The following FCRL5 variants were observed in gnomAD, a reference collection of about 807,000 sequenced individuals.
The protein encoded by FCRL5 is Fc receptor like 5.
FCRL5 carries 79 observed loss-of-function variants against 92.1 expected under a neutral mutation model. The observed-to-expected ratio is 0.86, with a 90% CI of 0.72 to 1.03. The LOEUF (loss-of-function observed/expected upper bound fraction) is 1.03, where lower values mean the gene tolerates loss of function less well. FCRL5 is among the 50% of genes least tolerant of loss of function. The pLI, the probability that FCRL5 is intolerant of heterozygous loss-of-function variation, is 0.00. For missense variants in FCRL5, 1,160 were observed against 1,181.1 expected, an observed-to-expected ratio of 0.98 and a Z score of 0.26; for synonymous variants, 466 against 469.3, an observed-to-expected ratio of 0.99 and a Z score of 0.09.
chr1:157,518,676 A>G, intron 14 of FCRL5, 24 bp downstream of exon 14: 2 of 1,601,060 alleles, frequency 1.2e-6, no homozygotes, highest in Non-Finnish European at 1.7e-6. Flanking sequence ...AGCTTCTGCC[A>G]AATGCAGGAT....
chr1:157,515,712 C>G lies in FCRL5; in HGVS notation c.2897G>C (p.Gly966Ala). The change falls in exon 17 of 17, where the codon GGA (glycine) becomes GCA (alanine). Residue 966 changes from glycine to alanine, a missense_variant. By Grantham distance (60) the Gly-to-Ala change is moderately conservative. Transcript: ENST00000361835. Reference sequence around the variant, plus strand: ...AGCTGAGGAAGCCAAGAACAGGGATCCGGAAACCGGGGTTGACGCCACCTT... The same window carrying G: ...AGCTGAGGAAGCCAAGAACAGGGATGCGGAAACCGGGGTTGACGCCACCTT... ...EVKVASTPVS[G>A]SLFLASSAPH... 1.2e-6 allele frequency: 2 copies of G among 1,614,144 alleles called. No individual in the cohort carries two copies. Among genetic ancestry groups the G allele is most frequent in the Non-Finnish European group, 1.7e-6 (2 of 1,180,022 alleles).
chr1:157,547,246 C>T (rs774997402), intron 2 of FCRL5, 49 bp from the exon 3 acceptor site: 3 of 1,606,176 alleles, frequency 1.9e-6, no homozygotes, highest in Non-Finnish European at 2.5e-6. Flanking sequence ...CCTGCAGACC[C>T]AGCCTCAGGG....
chr1:157,537,156 A>G (rs1213367497), intron 7 of FCRL5, among the ~76,000 whole-genome samples: 1 of 152,116 alleles, frequency 6.6e-6, no homozygotes, highest in Non-Finnish European at 1.5e-5. Flanking sequence ...ATAACCTTAA[A>G]CTCTGGCTGC....
intron 2 of FCRL5, among the ~76,000 whole-genome samples, chr1:157,548,566 A>G (rs2101650890): frequency 6.6e-6 from 1 of 152,366 alleles, no homozygotes; most frequent in Middle Eastern, 3.4e-3. Flanking sequence ...AGAATCTACA[A>G]TGAACTCAAA....
intron 4 of FCRL5, 140 bp from the exon 5 acceptor site, chr1:157,544,686 A>C: frequency 7.1e-7 from 1 of 1,410,734 alleles, no homozygotes; most frequent in Non-Finnish European, 9.8e-7. Flanking sequence ...AGCCCAAAAC[A>C]CTACTATACT....
rs771447766 is a variant in FCRL5, at chr1:157,534,607, C to A, written c.1681+7G>T. 2.9e-5 allele frequency: 46 copies of A among 1,614,004 alleles called. 1 individual carries two copies. Among genetic ancestry groups the A allele is most frequent in the Non-Finnish European group, 3.9e-5 (46 of 1,180,006 alleles). On this transcript the variant is annotated splice_region_variant and intron_variant, in intron 8 of 16. Coordinates refer to ENST00000361835, the MANE Select transcript of FCRL5 (RefSeq NM_031281.3). Reference sequence around the variant, plus strand: ...GGGTGGGTGACTGGCAAGAACCCAGCACTTACCAGTGACAAAAAGGCTCAC... The same window carrying A: ...GGGTGGGTGACTGGCAAGAACCCAGAACTTACCAGTGACAAAAAGGCTCAC...
Position 157,515,629 on chromosome 1 carries a change from C to T in FCRL5, c.*46G>A, listed in dbSNP as rs373026320. The T allele has an allele frequency of 1.1e-5, 17 of 1,614,000 alleles. No homozygotes were observed. The African/African-American group carries it at 1.9e-4, about 18-fold the overall frequency. On this transcript the variant is annotated 3_prime_UTR_variant, in exon 17 of 17. Transcript: ENST00000361835. ...AATGCTGCTTCTCCCCCAAGGGGAA[C>T]TTTGGGGTGCAGAGGCTGAAACAGC...
chr1:157,550,628 A>T (rs576738434), intron 1 of FCRL5, among the ~76,000 whole-genome samples: 58 of 152,318 alleles, frequency 3.8e-4, no homozygotes, highest in African/African-American at 1.4e-3. Context: ...GAGACCTAGG[A>T]CTTTCCTTAT....
chr1:157,544,784 G>A (rs777203103), intron 4 of FCRL5, 47 bp downstream of exon 4: 5 of 1,610,096 alleles, frequency 3.1e-6, no homozygotes, highest in African/African-American at 1.3e-5. Context: ...TGACCCCAAG[G>A]AATCTCCTTT....
At position 157,515,680 on chromosome 1, in the gene FCRL5, T is replaced by C. The variant is rs1437096279; in HGVS notation, c.2929A>G (p.Arg977Gly). ...AGTTGGAGAGACGTGTGGACTCATC[T>C]GTGAGGAGCTGAGGAAGCCAAGAAC... ...SLFLASSAPH[R>G] Residue 977 changes from arginine (R) to glycine (G), a missense_variant, in exon 17 of 17, where the codon AGA becomes GGA. By Grantham distance (125) the Arg-to-Gly change is moderately radical (BLOSUM62 -2). Transcript: ENST00000361835. The C allele has an allele frequency of 6.2e-6, 10 of 1,614,176 alleles. No individual in the cohort carries two copies. The highest frequency in any genetic ancestry group is 7.6e-6 in the Non-Finnish European group (9 of 1,180,030).
chr1:157,516,090 A>G lies in FCRL5; in HGVS notation c.2813-217T>C. The G allele has an allele frequency of 1.3e-5, 8 of 631,880 alleles. No individual in the cohort carries two copies. The South Asian group carries it at 1.5e-4, about 12-fold the overall frequency. 39.1% of individuals were successfully genotyped at this position (631,880 alleles called of 1,614,324 possible). On this transcript the variant is annotated intron_variant, in intron 15 of 16. Transcript: ENST00000361835. ...GACCCTCTCTTCAACTCCCCTTCAC[A>G]CTTTGTGGCCCACTCTGAGCTGCCT... is the stretch of plus-strand genomic sequence containing the variant.
intron 10 of FCRL5, chr1:157,522,842 G>A (rs780607917): frequency 6.6e-6 from 1 of 152,248 alleles, no homozygotes; most frequent in African/African-American, 2.4e-5. Flanking sequence ...AATGTAGGAG[G>A]TATGATGTGT....
At chr1:157,529,898 C>T (rs115564293) in intron 8 of FCRL5, among the ~76,000 whole-genome samples, 2,418 of 152,212 alleles carry the variant, frequency 0.016, 49 homozygotes, top group African/African-American at 0.055. Context: ...ACCAAAATCT[C>T]GGAAATTACT....
At chr1:157,533,723 A>C (rs1650803879) in intron 8 of FCRL5, 1 of 152,474 alleles carries the variant, frequency 6.6e-6, no homozygotes, top group Non-Finnish European at 1.5e-5. Context: ...GAATATGAGA[A>C]GAAAGTAAAA....
Position 157,546,228 on chromosome 1 carries a change from A to G in FCRL5, c.307+715T>C, listed in dbSNP as rs376634699. On this transcript the variant is annotated intron_variant, in intron 3 of 16. Coordinates refer to ENST00000361835, the MANE Select transcript of FCRL5 (RefSeq NM_031281.3). ...TTTGAGAGGCCTAGGTGAGCAGATC[A>G]CTTGAGCCCAGGAGTTCAACATTAG... 4.0e-5 allele frequency: 18 copies of G among 453,762 alleles called. No homozygotes were observed. The East Asian group carries it at 9.8e-4, about 25-fold the overall frequency. The allele number at this position is 453,762 out of a possible 1,614,324, so 28.1% of individuals were successfully genotyped here. A position where few individuals can be genotyped will look rare whatever the true frequency, so the allele number is the denominator to read the frequency against.
At chr1:157,518,407 C>G in intron 15 of FCRL5, 22 bp downstream of exon 15, 1 of 1,603,592 alleles carries the variant, frequency 6.2e-7, no homozygotes, top group Non-Finnish European at 8.5e-7. Flanking sequence ...TGGGCCAGAA[C>G]AGAGACATCC....
chr1:157,526,663 A>G (rs1279975258), intron 9 of FCRL5, among the ~76,000 whole-genome samples: 1 of 152,118 alleles, frequency 6.6e-6, no homozygotes, highest in Non-Finnish European at 1.5e-5. Flanking sequence ...TAGGAAAAGG[A>G]CAGATGAGTT....
At chr1:157,543,203 C>A in intron 5 of FCRL5, 66 bp from the exon 6 acceptor site, 1 of 1,505,400 alleles carries the variant, frequency 6.6e-7, no homozygotes, top group Non-Finnish European at 9.0e-7. Context: ...AAGGCATGGC[C>A]AGTGCAAATG....
Position 157,544,264 on chromosome 1 carries a change from T to C in FCRL5, c.842A>G (p.Gln281Arg), listed in dbSNP as rs1158640472. ...TCTCAGGTTCCACCAACACTTACTC[T>C]GCACCTGTATCCAGGATCTCGGGCT... ...SDSPRSWIQV[Q>R]IPASHPVLTL... The change falls in exon 5 of 17, where the codon CAG (glutamine) becomes CGG (arginine). Residue 281 changes from glutamine to arginine, a missense_variant and splice_region_variant. Transcript: ENST00000361835. The C allele has an allele frequency of 6.2e-7, 1 of 1,613,940 alleles. No homozygotes were observed. The highest frequency in any genetic ancestry group is 1.7e-5 in the Admixed American group (1 of 60,024).
Sources: allele counts gnomAD v4.1 joint callset (sites outside exome capture counted in the v4.1 genomes callset), GRCh38; gene constraint gnomAD v4.1.1; transcripts MANE v1.5; gene names NCBI Gene and HGNC (gene_info 2026-07-23, HGNC 2026-07-21).